Variants in KCNIP4 observed in about 807,000 individuals in gnomAD.
KCNIP4 encodes Kv channel-interacting protein 4.
A neutral mutation model predicts 34.0 loss-of-function variants in KCNIP4; 12 were observed. The ratio of observed to expected loss-of-function variants is 0.35; its 90% CI spans 0.23 to 0.57. KCNIP4 has a LOEUF of 0.57. KCNIP4 is among the 20% of genes least tolerant of loss of function. The pLI, the probability that KCNIP4 is intolerant of heterozygous loss-of-function variation, is 0.83. For missense variants in KCNIP4, 238 were observed against 311.7 expected, an observed-to-expected ratio of 0.76 and a Z score of 1.78; for synonymous variants, 124 against 102.2, an observed-to-expected ratio of 1.21 and a Z score of -1.29.
chr4:21,893,090 A>G (rs1727196116), intron 1 of KCNIP4, among the ~76,000 whole-genome samples: 1 of 152,250 alleles, frequency 6.6e-6, no homozygotes, highest in South Asian at 2.1e-4. Flanking sequence ...TAGATAACAA[A>G]TATCTGACGA....
At chr4:21,718,007 A>C (rs924613148) in intron 1 of KCNIP4, among the ~76,000 whole-genome samples, 9 of 152,312 alleles carry the variant, frequency 5.9e-5, no homozygotes, top group Non-Finnish European at 4.4e-5. Context: ...AGAACATGAA[A>C]AAGTAAGAGA....
intron 4 of KCNIP4, among the ~76,000 whole-genome samples, chr4:20,757,015 C>T (rs1006650713): frequency 6.6e-6 from 1 of 152,130 alleles, no homozygotes; most frequent in Non-Finnish European, 1.5e-5. Context: ...CTGAGCCTCA[C>T]ATTTGTGCCA....
At chr4:21,637,645 T>C (rs1425789702) in intron 1 of KCNIP4, among the ~76,000 whole-genome samples, 1 of 151,894 alleles carries the variant, frequency 6.6e-6, no homozygotes, top group Non-Finnish European at 1.5e-5. Flanking sequence ...TAGCTGGGCA[T>C]GGTGGCGCAC....
At chr4:21,379,334 G>A (rs1408675595) in intron 1 of KCNIP4, among the ~76,000 whole-genome samples, 2 of 152,040 alleles carry the variant, frequency 1.3e-5, no homozygotes, top group African/African-American at 2.4e-5. Context: ...TTGGATTATT[G>A]AACAGTCTTC....
chr4:21,234,138 T>G (rs1759069803), intron 1 of KCNIP4, among the ~76,000 whole-genome samples: 1 of 112,150 alleles, frequency 8.9e-6, no homozygotes, highest in Non-Finnish European at 1.6e-5. Flanking sequence ...ATATAACGTA[T>G]ATTATATATA....
intron 1 of KCNIP4, among the ~76,000 whole-genome samples, chr4:21,496,576 A>C (rs1732867147): frequency 6.6e-6 from 1 of 152,172 alleles, no homozygotes; most frequent in Non-Finnish European, 1.5e-5. Flanking sequence ...AATCCACTTC[A>C]ATCGTTTCTC....
chr4:21,688,415 A>G (rs1289955153), intron 1 of KCNIP4, among the ~76,000 whole-genome samples: 1 of 152,208 alleles, frequency 6.6e-6, no homozygotes, highest in Admixed American at 6.5e-5. Flanking sequence ...ATGATGAGAT[A>G]CTGAACCAGG....
At chr4:21,024,739 G>A (rs918315980) in intron 1 of KCNIP4, among the ~76,000 whole-genome samples, 4 of 152,164 alleles carry the variant, frequency 2.6e-5, no homozygotes, top group African/African-American at 9.7e-5. Context: ...TTTAGTGAAT[G>A]TCAAGATGCT....
intron 1 of KCNIP4, among the ~76,000 whole-genome samples, chr4:21,197,150 T>C (rs1374327975): frequency 6.6e-6 from 1 of 152,196 alleles, no homozygotes; most frequent in Admixed American, 6.5e-5. Context: ...AATTTATCCA[T>C]TCTATTGCAG....
At chr4:21,852,173 C>T (rs1055442459) in intron 1 of KCNIP4, 4 of 151,004 alleles carry the variant, frequency 2.6e-5, no homozygotes, top group Non-Finnish European at 5.9e-5. Context: ...TCCAAGGAAG[C>T]TCTCTATTTT....
intron 1 of KCNIP4, among the ~76,000 whole-genome samples, chr4:21,491,921 G>A (rs1392349218): frequency 6.6e-6 from 1 of 152,170 alleles, no homozygotes; most frequent in Non-Finnish European, 1.5e-5. Flanking sequence ...AAAGAATAAA[G>A]CTGATGTATG....
chr4:21,337,331 T>G (rs1377217345), intron 1 of KCNIP4, among the ~76,000 whole-genome samples: 1 of 152,184 alleles, frequency 6.6e-6, no homozygotes, highest in East Asian at 1.9e-4. Context: ...CATTTTATTT[T>G]CACTTTAAAA....
chr4:21,105,638 T>C (rs1165276274), intron 1 of KCNIP4, among the ~76,000 whole-genome samples: 1 of 151,694 alleles, frequency 6.6e-6, no homozygotes, highest in Non-Finnish European at 1.5e-5. Flanking sequence ...CTATGTTGAA[T>C]AGGAGTGGTG....
intron 1 of KCNIP4, among the ~76,000 whole-genome samples, chr4:20,908,780 G>T (rs1728048356): frequency 6.6e-6 from 1 of 152,166 alleles, no homozygotes; most frequent in African/African-American, 2.4e-5. Context: ...TACTTATGCT[G>T]CTAAGGCTCA....
intron 3 of KCNIP4, among the ~76,000 whole-genome samples, chr4:20,773,980 T>C (rs1288985569): frequency 6.6e-6 from 1 of 152,140 alleles, no homozygotes; most frequent in African/African-American, 2.4e-5. Flanking sequence ...AATTGTTAAG[T>C]GTATGTGGGC....
At chr4:21,686,766 G>A (rs932036313) in intron 1 of KCNIP4, among the ~76,000 whole-genome samples, 3 of 152,150 alleles carry the variant, frequency 2.0e-5, no homozygotes, top group Non-Finnish European at 2.9e-5. Flanking sequence ...AGCTGAAGTA[G>A]CCAAGATCAG....
rs1741575170 is a variant in KCNIP4, at chr4:21,585,914, A to G, written c.61+362657T>C. 2.0e-5 allele frequency among the ~76,000 whole-genome samples: 3 copies of G among 152,222 alleles called. No individual in the cohort carries two copies. In the South Asian group the frequency reaches 6.2e-4, roughly 32 times the overall value. On this transcript the variant is annotated intron_variant, in intron 1 of 8. Transcript: ENST00000382152. ...ATTATAATTAAGTTGAACAACTACC[A>G]AAGAATACTCATTGATAAAATTAAT...
At chr4:20,897,808 C>G (rs562654226) in intron 1 of KCNIP4, among the ~76,000 whole-genome samples, 1 of 152,184 alleles carries the variant, frequency 6.6e-6, no homozygotes, top group African/African-American at 2.4e-5. Flanking sequence ...GATGTCCAGC[C>G]TCCAGAACTG....
At chr4:21,890,595 C>G (rs1164948630) in intron 1 of KCNIP4, among the ~76,000 whole-genome samples, 4 of 152,038 alleles carry the variant, frequency 2.6e-5, no homozygotes, top group African/African-American at 9.7e-5. Context: ...GATACTACCA[C>G]AAGGATGAGG....
Sources: gnomAD v4.1 joint callset for allele counts (sites outside exome capture counted in the v4.1 genomes callset) on GRCh38, gnomAD v4.1.1 for gene constraint, MANE v1.5 for transcripts, NCBI Gene and HGNC (gene_info 2026-07-23, HGNC 2026-07-21) for gene names.